Variants in PPP6R2 observed in about 807,000 individuals in gnomAD.
PPP6R2 encodes the protein serine/threonine-protein phosphatase 6 regulatory subunit 2.
Under a neutral mutation model 100.2 loss-of-function variants are expected in PPP6R2, and 62 were observed. The observed-to-expected ratio is 0.62, with a 90% CI of 0.50 to 0.76. The LOEUF (loss-of-function observed/expected upper bound fraction) is 0.76. Among genes scored for constraint, PPP6R2 ranks in the 30% least tolerant of loss-of-function variants. The pLI is 0.00. For missense variants in PPP6R2, 1,142 were observed against 1,276.3 expected (o/e 0.89, Z 1.60); for synonymous variants, 525 against 514.7 (o/e 1.02, Z -0.27).
chr22:50,374,472 A>G (rs1320906412), intron 2 of PPP6R2, among the ~76,000 whole-genome samples: 2 of 152,230 alleles, frequency 1.3e-5, no homozygotes, highest in African/African-American at 4.8e-5. Flanking sequence ...GGTAGTAAAT[A>G]TGTAGCTGGA....
chr22:50,439,370 C>T (rs971990161), intron 19 of PPP6R2, among the ~76,000 whole-genome samples: 9 of 152,118 alleles, frequency 5.9e-5, no homozygotes, highest in African/African-American at 2.2e-4. Flanking sequence ...GGTGAGCTGC[C>T]GGCTCTGTGG....
At chr22:50,347,707 C>T (rs1247158989) in intron 1 of PPP6R2, among the ~76,000 whole-genome samples, 1 of 152,086 alleles carries the variant, frequency 6.6e-6, no homozygotes, top group Non-Finnish European at 1.5e-5. Context: ...TGTCACTGTA[C>T]CCACTGATTT....
chr22:50,340,872 A>T (rs2042363727), upstream of PPP6R2, among the ~76,000 whole-genome samples: 1 of 151,848 alleles, frequency 6.6e-6, no homozygotes, highest in Admixed American at 6.6e-5. Context: ...GTGAGGCAAG[A>T]GCTCCTAGGG....
rs1450616699 is a variant in PPP6R2, at chr22:50,365,927, G to A, written c.-147-6093G>A. On this transcript the variant is annotated intron_variant, in intron 1 of 23. Transcript: ENST00000612753. ...ACTCATCTGTGTCATTTCTGGGTTG[G>A]TTTTGTGTTGTTTTTCCCCTCATTA... Among the ~76,000 whole-genome samples the A allele has an allele frequency of 2.6e-5, 4 of 151,910 alleles. No homozygotes were observed. The East Asian group carries it at 7.8e-4, about 30-fold the overall frequency.
At chr22:50,339,318 GTA>G (rs1491180733), upstream of PPP6R2, among the ~76,000 whole-genome samples, 2 of 106,058 alleles carry the variant, frequency 1.9e-5, no homozygotes, top group Non-Finnish European at 3.6e-5. Context: ...TGTTGTGGGT[GTA>G]GTGTGTGTGG....
At chr22:50,399,182 G>A (rs2057622112) in intron 3 of PPP6R2, among the ~76,000 whole-genome samples, 1 of 152,186 alleles carries the variant, frequency 6.6e-6, no homozygotes, top group Non-Finnish European at 1.5e-5. Flanking sequence ...GCATGACACA[G>A]CAAGACTGTC....
At chr22:50,359,291 T>C (rs899942986) in intron 1 of PPP6R2, among the ~76,000 whole-genome samples, 14 of 147,904 alleles carry the variant, frequency 9.5e-5, no homozygotes, top group Non-Finnish European at 1.9e-4. Context: ...TGATCTCCGC[T>C]CACTGCAAGC....
chr22:50,410,310 C>G (rs992971751), intron 4 of PPP6R2, among the ~76,000 whole-genome samples: 2 of 152,150 alleles, frequency 1.3e-5, no homozygotes, highest in Non-Finnish European at 2.9e-5. Flanking sequence ...CCTGTGCACG[C>G]TGCCCGGGGC....
chr22:50,386,164 A>T (rs143463452), intron 2 of PPP6R2, among the ~76,000 whole-genome samples: 83 of 147,710 alleles, frequency 5.6e-4, no homozygotes, highest in African/African-American at 2.1e-3. Flanking sequence ...TTTTTTTGAG[A>T]TGGAGTCTTG....
chr22:50,380,806 A>AGTATG (rs2052722083), intron 2 of PPP6R2, among the ~76,000 whole-genome samples: 1 of 150,824 alleles, frequency 6.6e-6, no homozygotes, highest in Non-Finnish European at 1.5e-5. Context: ...TGGCTAACAC[A>AGTATG]GTGAAACCCC....
In PPP6R2 at chr22:50,393,907, C is replaced by G. The variant is rs768120580; in HGVS notation, c.-2C>G. Reference sequence around the variant, plus strand: ...CTCGTTTGCAGCTCTGCGGCCGTCACGATGTTCTGGAAGTTTGACTTGAAC... The same window carrying G: ...CTCGTTTGCAGCTCTGCGGCCGTCAGGATGTTCTGGAAGTTTGACTTGAAC... On this transcript the variant is annotated 5_prime_UTR_variant, in exon 3 of 24. Coordinates refer to ENST00000612753, the MANE Select transcript of PPP6R2 (RefSeq NM_001242898.2). 1 of 1,614,160 alleles carries G rather than the reference C, an allele frequency of 6.2e-7. No individual in the cohort carries two copies. The highest frequency in any genetic ancestry group is 8.5e-7 in the Non-Finnish European group (1 of 1,180,030).
At chr22:50,365,855 G>A (rs1320669730) in intron 1 of PPP6R2, among the ~76,000 whole-genome samples, 1 of 151,928 alleles carries the variant, frequency 6.6e-6, no homozygotes, top group Non-Finnish European at 1.5e-5. Context: ...TTGCTCCTGA[G>A]TAGCTGGGAT....
chr22:50,366,256 A>C lies in PPP6R2; in HGVS notation c.-147-5764A>C, dbSNP rs1053932034. ...AGCCTTGTGAATTACAAGGTTTTCC[A>C]CTGCAACTGGCAGGAATAGGCTCTG... On this transcript the variant is annotated intron_variant, in intron 1 of 23. Coordinates refer to ENST00000612753, the MANE Select transcript of PPP6R2 (RefSeq NM_001242898.2). Among the ~76,000 whole-genome samples, 3 of 151,260 alleles carry C rather than the reference A, an allele frequency of 2.0e-5. 1 individual carries two copies. Among genetic ancestry groups the C allele is most frequent in the Admixed American group, 1.3e-4 (2 of 15,194 alleles).
At chr22:50,389,175 G>A (rs913993451) in intron 2 of PPP6R2, 1 of 152,234 alleles carries the variant, frequency 6.6e-6, no homozygotes, top group African/African-American at 2.4e-5. Context: ...CTGAGGATGG[G>A]AGTCAGGATG....
intron 1 of PPP6R2, among the ~76,000 whole-genome samples, chr22:50,353,044 A>G (rs934330085): frequency 1.4e-4 from 21 of 152,200 alleles, no homozygotes; most frequent in South Asian, 8.3e-4. Flanking sequence ...AGCCTGGGCA[A>G]CAGAGTAAGA....
At chr22:50,338,511 AGT>A (rs1199602240), upstream of PPP6R2, among the ~76,000 whole-genome samples, 14 of 74,756 alleles carry the variant, frequency 1.9e-4, no homozygotes, top group East Asian at 1.0e-3. Flanking sequence ...TGGTGTGTGT[AGT>A]GTGTGTGTGC....
In PPP6R2 at chr22:50,423,380, G is replaced by T; in HGVS notation, c.973-82G>T. On this transcript the variant is annotated intron_variant, in intron 9 of 23. Transcript: ENST00000612753. This position sits in a 1 kb window ranked among gnomAD's most constrained non-coding sequence, Gnocchi z 4.8. ...ACCCCAGGCTGGGTCCCAGCCTAGA[G>T]TGATGGGCATGAGCCCAGAGACTCC... 1 of 1,565,430 alleles carries T rather than the reference G, an allele frequency of 6.4e-7. No individual in the cohort carries two copies. Among genetic ancestry groups the T allele is most frequent in the Non-Finnish European group, 8.7e-7 (1 of 1,143,324 alleles).
At chr22:50,379,817 T>C (rs1401998644) in intron 2 of PPP6R2, among the ~76,000 whole-genome samples, 3 of 152,066 alleles carry the variant, frequency 2.0e-5, no homozygotes, top group South Asian at 2.1e-4. Flanking sequence ...GAAGTTGACA[T>C]TGCCGTGATC....
intron 4 of PPP6R2, among the ~76,000 whole-genome samples, chr22:50,413,608 C>T (rs555471323): frequency 1.1e-3 from 170 of 152,152 alleles, no homozygotes; most frequent in African/African-American, 3.7e-3. Flanking sequence ...CTGTTTTGTC[C>T]TTCGTCTTTC....
Sources: gnomAD v4.1 joint callset for allele counts (sites outside exome capture counted in the v4.1 genomes callset) on GRCh38, gnomAD v4.1.1 for gene constraint, Gnocchi (gnomAD v3.1) non-coding constraint, MANE v1.5 for transcripts, NCBI Gene and HGNC (gene_info 2026-07-23, HGNC 2026-07-21) for gene names.